The following RUFY2 variants were observed in gnomAD, a reference collection of about 807,000 sequenced individuals.
The protein encoded by RUFY2 is RUN and FYVE domain-containing protein 2.
A neutral mutation model predicts 94.4 loss-of-function variants in RUFY2; 49 were observed. The ratio of observed to expected loss-of-function variants is 0.52; its 90% CI spans 0.41 to 0.66. RUFY2 has a LOEUF of 0.66. Ranked by LOEUF, RUFY2 falls within the 30% of genes least tolerant of loss-of-function variation. The pLI is 0.00. For missense variants in RUFY2, 541 were observed against 692.8 expected (o/e 0.78, Z 2.46); for synonymous variants, 255 against 235.7 (o/e 1.08, Z -0.75).
chr10:68,401,624 G>C lies in RUFY2; in HGVS notation c.292C>G (p.Leu98Val). 2 of 1,605,272 alleles carry C rather than the reference G, an allele frequency of 1.2e-6. No individual in the cohort carries two copies. The highest frequency in any genetic ancestry group is 1.7e-6 in the Non-Finnish European group (2 of 1,171,960). The change falls in exon 3 of 18, where the codon CTG becomes GTG. Residue 98 changes from leucine (L) to valine (V), a missense_variant. Physicochemically the swap from Leu to Val is conservative, Grantham distance 32. Coordinates refer to ENST00000602465, the MANE Select transcript of RUFY2 (RefSeq NM_001330103.2). ...IGASVRDLPG[L>V]KTPLGRARAW... ...ACAAGTAATAGGCCTCCTTACTTCA[G>C]ACCAGGTAGATCCCGGACACTAGCT...
At chr10:68,377,482 T>C in intron 12 of RUFY2, 2 of 990,802 alleles carry the variant, frequency 2.0e-6, no homozygotes, top group Non-Finnish European at 2.4e-6. Flanking sequence ...TTACGGCATC[T>C]TTATGCATTT....
intron 7 of RUFY2, among the ~76,000 whole-genome samples, chr10:68,392,739 G>A (rs1359204753): frequency 6.7e-6 from 1 of 149,960 alleles, no homozygotes; most frequent in African/African-American, 2.5e-5. Context: ...TGGCCAACGT[G>A]GTGAAACCCC....
chr10:68,376,442 GTATATATATATATA>G lies in RUFY2; in HGVS notation c.1325+397_1325+410del, dbSNP rs764172830. ...GAAACTTCATCTCAAAAAAATGTGT[GTATATATATATATA>G]TATATATATATATATATATATATAT... On this transcript the variant is annotated intron_variant, in intron 13 of 17. Transcript: ENST00000602465. Among the ~76,000 whole-genome samples, 105 of 27,970 alleles carry G rather than the reference GTATATATATATATA, an allele frequency of 3.8e-3. 4 individuals are homozygous for G. The highest frequency in any genetic ancestry group is 6.6e-3 in the Non-Finnish European group (66 of 10,050). The allele number at this position is 27,970 out of a possible 152,430, so 18.3% of individuals were successfully genotyped here. A position where few individuals can be genotyped will look rare whatever the true frequency, so the allele number is the denominator to read the frequency against.
chr10:68,361,016 C>T (rs1482551912), intron 15 of RUFY2, among the ~76,000 whole-genome samples: 1 of 152,182 alleles, frequency 6.6e-6, no homozygotes, highest in East Asian at 1.9e-4. Flanking sequence ...GGCGTGGTGG[C>T]TCATGACTGT....
chr10:68,398,188 G>C (rs2050545333), intron 3 of RUFY2, among the ~76,000 whole-genome samples: 1 of 148,972 alleles, frequency 6.7e-6, no homozygotes, highest in East Asian at 2.0e-4. Flanking sequence ...CAAAAACATA[G>C]GTAACATTAT....
At chr10:68,342,131 G>C, downstream of RUFY2, 1 of 1,035,160 alleles carries the variant, frequency 9.7e-7, no homozygotes, top group Non-Finnish European at 1.4e-6. Flanking sequence ...AATTTCTTTT[G>C]TATTTTAAGA....
intron 16 of RUFY2, chr10:68,346,456 A>G: frequency 5.6e-6 from 1 of 178,204 alleles, no homozygotes; most frequent in Non-Finnish European, 1.2e-5. Context: ...AAAAATCAAG[A>G]CTGCACATGA....
downstream of RUFY2, chr10:68,341,570 C>CT: frequency 6.4e-7 from 1 of 1,555,164 alleles, no homozygotes; most frequent in Non-Finnish European, 8.8e-7. Flanking sequence ...GTTACTCTTT[C>CT]TTTTTTTCTT....
At chr10:68,341,119 T>C, downstream of RUFY2, 1 of 1,264,462 alleles carries the variant, frequency 7.9e-7, no homozygotes, top group East Asian at 2.4e-5. Context: ...AGGTATGTGG[T>C]AATTTACTTT....
chr10:68,357,655 T>C (rs1204993353), intron 15 of RUFY2, among the ~76,000 whole-genome samples: 1 of 152,200 alleles, frequency 6.6e-6, no homozygotes, highest in African/African-American at 2.4e-5. Context: ...CTTCTCTATA[T>C]ATCTGTGTAT....
intron 1 of RUFY2, chr10:68,406,695 C>T (rs538265077): frequency 2.8e-6 from 4 of 1,443,722 alleles, no homozygotes; most frequent in East Asian, 2.5e-5. Context: ...CTGCCCCCTC[C>T]CCCCAGCAAG....
In RUFY2 at chr10:68,345,632, C is replaced by A; in HGVS notation, c.*136G>T. 3 of 664,768 alleles carry A rather than the reference C, an allele frequency of 4.5e-6. No homozygotes were observed. The highest frequency in any genetic ancestry group is 7.6e-6 in the Non-Finnish European group (3 of 396,242). The allele number at this position is 664,768 out of a possible 1,614,324, so 41.2% of individuals were successfully genotyped here. ...ATATATAACTTGTAATTTCCATGAGCTGAATATGTAGAAGATAAACTGGTA... is the reference window on the plus strand; with the variant it reads ...ATATATAACTTGTAATTTCCATGAGATGAATATGTAGAAGATAAACTGGTA... On this transcript the variant is annotated 3_prime_UTR_variant, in exon 18 of 18. Coordinates refer to ENST00000602465, the MANE Select transcript of RUFY2 (RefSeq NM_001330103.2).
At chr10:68,386,622 C>T (rs2049520371) in intron 7 of RUFY2, among the ~76,000 whole-genome samples, 1 of 152,166 alleles carries the variant, frequency 6.6e-6, no homozygotes, top group Non-Finnish European at 1.5e-5. Context: ...TGCTGGATTA[C>T]AGGCGTGAGC....
intron 13 of RUFY2, among the ~76,000 whole-genome samples, chr10:68,371,712 C>T (rs2048295678): frequency 6.6e-6 from 1 of 151,938 alleles, no homozygotes; most frequent in Non-Finnish European, 1.5e-5. Context: ...CTGACAAAGA[C>T]ATAAACCTAC....
intron 13 of RUFY2, among the ~76,000 whole-genome samples, chr10:68,376,036 G>A (rs1212907615): frequency 1.3e-5 from 2 of 151,590 alleles, no homozygotes; most frequent in African/African-American, 4.9e-5. Context: ...GGAGGCAGAG[G>A]TTGCAGTGAG....
At chr10:68,360,589 C>CA (rs899028528) in intron 15 of RUFY2, among the ~76,000 whole-genome samples, 3 of 150,842 alleles carry the variant, frequency 2.0e-5, no homozygotes, top group African/African-American at 4.9e-5. Context: ...TACCAAAATA[C>CA]AAAAAAAAAT....
intron 15 of RUFY2, among the ~76,000 whole-genome samples, chr10:68,357,914 A>T (rs377131978): frequency 1.3e-5 from 2 of 152,194 alleles, no homozygotes; most frequent in African/African-American, 4.8e-5. Context: ...TAGTTCAGGC[A>T]TGGTGGTTCC....
intron 7 of RUFY2, among the ~76,000 whole-genome samples, chr10:68,386,457 C>T (rs2132900205): frequency 6.6e-6 from 1 of 152,256 alleles, no homozygotes; most frequent in African/African-American, 2.4e-5. Flanking sequence ...TCAAACTATT[C>T]TTCTGCCTCA....
intron 2 of RUFY2, among the ~76,000 whole-genome samples, chr10:68,403,045 T>C (rs1488044262): frequency 1.3e-5 from 2 of 151,140 alleles, no homozygotes; most frequent in African/African-American, 2.4e-5. Flanking sequence ...GGGGTTTCAC[T>C]ATGCTGGCCA....
Sources: allele counts gnomAD v4.1 joint callset (sites outside exome capture counted in the v4.1 genomes callset), GRCh38; gene constraint gnomAD v4.1.1; transcripts MANE v1.5; gene names NCBI Gene and HGNC (gene_info 2026-07-23, HGNC 2026-07-21).